CNKSR2: variants seen among roughly 807,000 people sequenced by gnomAD.
The protein encoded by CNKSR2 is CNK homolog protein 2.
In CNKSR2, 14 loss-of-function variants were observed where a neutral mutation model predicts 84.4. The observed-to-expected ratio is 0.17, with a 90% CI of 0.11 to 0.26. The LOEUF is 0.26. Among genes scored for constraint, CNKSR2 ranks in the 10% least tolerant of loss-of-function variants. The pLI is 1.00. For missense variants in CNKSR2, 485 were observed against 771.2 expected (o/e 0.63, Z 4.40); for synonymous variants, 275 against 277.9 (o/e 0.99, Z 0.10).
At chrX:21,420,552 G>A (rs1054651688) in intron 1 of CNKSR2, among the ~76,000 whole-genome samples, 1 of 111,402 alleles carries the variant, frequency 9.0e-6, no homozygotes, top group African/African-American at 3.3e-5. Flanking sequence ...CTCACACAGG[G>A]CCCTTGATTT....
intron 11 of CNKSR2, among the ~76,000 whole-genome samples, chrX:21,551,839 G>A (rs1245457081): frequency 9.0e-6 from 1 of 111,714 alleles, no homozygotes; most frequent in Non-Finnish European, 1.9e-5. Flanking sequence ...GAAAATCAAA[G>A]TCAGAGACCT....
At chrX:21,524,927 T>C (rs748529221) in intron 9 of CNKSR2, among the ~76,000 whole-genome samples, 24 of 111,584 alleles carry the variant, frequency 2.2e-4, no homozygotes, top group Non-Finnish European at 4.0e-4. Context: ...TGAATATTAG[T>C]TTTTCTCTCA....
intron 8 of CNKSR2, among the ~76,000 whole-genome samples, chrX:21,509,738 G>GA (rs2091651786): frequency 9.0e-6 from 1 of 111,198 alleles, no homozygotes; most frequent in African/African-American, 3.3e-5. Flanking sequence ...TATTTCATGG[G>GA]AAAAAATTAG....
intron 20 of CNKSR2, among the ~76,000 whole-genome samples, chrX:21,634,879 C>T (rs116605135): frequency 0.043 from 4,567 of 106,933 alleles, 241 homozygotes; most frequent in African/African-American, 0.15. Context: ...TATATACATA[C>T]ATATATTCAT....
intron 13 of CNKSR2, among the ~76,000 whole-genome samples, chrX:21,582,217 A>G (rs1480511016): frequency 8.9e-6 from 1 of 112,186 alleles, no homozygotes; most frequent in African/African-American, 3.2e-5. Context: ...TTTATAACCT[A>G]CAGAGCAATA....
rs755482852 is a variant in CNKSR2 at position 21,516,675 on chromosome X, T to C, written c.957+44T>C. 4 of 1,114,809 alleles carry C rather than the reference T, an allele frequency of 3.6e-6. No homozygotes were observed. The South Asian group carries it at 7.6e-5, about 21-fold the overall frequency. The allele number at this position is 1,114,809 out of a possible 1,213,427, so 91.9% of individuals were successfully genotyped here. A position where few individuals can be genotyped will look rare whatever the true frequency, so the allele number is the denominator to read the frequency against. ...AAGTCATACACCATCATTTTAGCCATAGATTATCTCAGTAATGCTTCTTTA... is the reference window on the plus strand; with the variant it reads ...AAGTCATACACCATCATTTTAGCCACAGATTATCTCAGTAATGCTTCTTTA... On this transcript the variant is annotated intron_variant, in intron 9 of 21. Transcript: ENST00000379510.
chrX:21,452,886 C>T (rs1355267484), intron 4 of CNKSR2, among the ~76,000 whole-genome samples: 1 of 104,994 alleles, frequency 9.5e-6, no homozygotes, highest in Non-Finnish European at 1.9e-5. Flanking sequence ...ATAATAATTT[C>T]CCTAATTTTT....
At chrX:21,478,893 A>G (rs779753484) in intron 5 of CNKSR2, among the ~76,000 whole-genome samples, 4 of 111,856 alleles carry the variant, frequency 3.6e-5, no homozygotes, top group Non-Finnish European at 5.6e-5. Context: ...CACTGTATAT[A>G]TGACCAAGGA....
intron 4 of CNKSR2, among the ~76,000 whole-genome samples, chrX:21,460,782 G>A (rs2091051334): frequency 9.0e-6 from 1 of 111,507 alleles, no homozygotes; most frequent in Admixed American, 9.5e-5. Flanking sequence ...CTGCAAATGA[G>A]TGAGAACCTG....
intron 13 of CNKSR2, among the ~76,000 whole-genome samples, chrX:21,566,597 G>A (rs773817967): frequency 4.2e-4 from 47 of 111,653 alleles, no homozygotes; most frequent in African/African-American, 1.4e-3. Flanking sequence ...GCATTTCATA[G>A]GCTTCTATCT....
chrX:21,606,389 G>T (rs753569890), intron 18 of CNKSR2: 1 of 119,568 alleles, frequency 8.4e-6, no homozygotes. Context: ...GCTTTTCTTT[G>T]AATATCTTTA....
intron 1 of CNKSR2, among the ~76,000 whole-genome samples, chrX:21,381,813 G>A (rs1177097687): frequency 9.0e-6 from 1 of 111,551 alleles, no homozygotes; most frequent in Non-Finnish European, 1.9e-5. Context: ...CACCCTTCAC[G>A]TCTTAGGCTT....
intron 4 of CNKSR2, among the ~76,000 whole-genome samples, chrX:21,459,548 C>T (rs1302564328): frequency 9.1e-6 from 1 of 109,973 alleles, no homozygotes; most frequent in Non-Finnish European, 1.9e-5. Context: ...CTAGATCTTC[C>T]ATCTCCTAAT....
intron 11 of CNKSR2, among the ~76,000 whole-genome samples, chrX:21,552,617 G>A (rs113494485): frequency 0.019 from 2,153 of 111,797 alleles, 49 homozygotes; most frequent in African/African-American, 0.061. Context: ...CCTGCCCAGC[G>A]GTTGGATTAT....
At chrX:21,380,608 G>A (rs1305077618) in intron 1 of CNKSR2, among the ~76,000 whole-genome samples, 3 of 109,383 alleles carry the variant, frequency 2.7e-5, no homozygotes, top group African/African-American at 1.0e-4. Context: ...CACCACCCCT[G>A]GCTAATTTTT....
At chrX:21,581,001 A>G (rs1467468628) in intron 13 of CNKSR2, among the ~76,000 whole-genome samples, 1 of 111,831 alleles carries the variant, frequency 8.9e-6, no homozygotes, top group African/African-American at 3.2e-5. Context: ...TGTTAATTGT[A>G]CACATCAATC....
chrX:21,522,948 A>C (rs2091799655), intron 9 of CNKSR2, among the ~76,000 whole-genome samples: 1 of 111,146 alleles, frequency 9.0e-6, no homozygotes, highest in Admixed American at 9.6e-5. Flanking sequence ...AAGATTTCTA[A>C]CACTAGCAAA....
chrX:21,391,079 CA>C (rs1280246494), intron 1 of CNKSR2, among the ~76,000 whole-genome samples: 1 of 112,837 alleles, frequency 8.9e-6, no homozygotes, highest in Non-Finnish European at 1.9e-5. Context: ...AGGCCATGGG[CA>C]GCTCTGGCCC....
At chrX:21,605,462 A>G (rs750268421) in intron 18 of CNKSR2, among the ~76,000 whole-genome samples, 6 of 112,183 alleles carry the variant, frequency 5.3e-5, no homozygotes, top group Non-Finnish European at 7.5e-5. Flanking sequence ...TCCAACTTCC[A>G]TTGCTGAAGA....
Sources: gnomAD v4.1 joint callset for allele counts (sites outside exome capture counted in the v4.1 genomes callset) on GRCh38, gnomAD v4.1.1 for gene constraint, MANE v1.5 for transcripts, NCBI Gene and HGNC (gene_info 2026-07-23, HGNC 2026-07-21) for gene names.